Variants in CDK14 observed in about 807,000 individuals in gnomAD.
CDK14 encodes cyclin dependent kinase 14, also known as cyclin-dependent kinase 14.
In CDK14, 34 loss-of-function variants were observed where a neutral mutation model predicts 60.7. That is an observed-to-expected ratio of 0.56 (90% CI 0.43 to 0.75). The LOEUF is 0.75. Among genes scored for constraint, CDK14 ranks in the 30% least tolerant of loss-of-function variants. The pLI is 0.00. For missense variants in CDK14, 482 were observed against 564.1 expected, an observed-to-expected ratio of 0.85 and a Z score of 1.47; for synonymous variants, 197 against 203.7, an observed-to-expected ratio of 0.97 and a Z score of 0.28.
intron 14 of CDK14, among the ~76,000 whole-genome samples, chr7:91,175,532 A>G (rs2115835098): frequency 6.6e-6 from 1 of 152,316 alleles, no homozygotes; most frequent in South Asian, 2.1e-4. Flanking sequence ...TAAAGAGTCA[A>G]GACCCATCAG....
intron 14 of CDK14, among the ~76,000 whole-genome samples, chr7:91,136,616 G>A (rs1800287638): frequency 6.6e-6 from 1 of 152,096 alleles, no homozygotes; most frequent in African/African-American, 2.4e-5. Context: ...AATGGATCCT[G>A]TAGGATATAC....
At chr7:90,750,551 A>G (rs76715953) in intron 4 of CDK14, among the ~76,000 whole-genome samples, 10,295 of 152,304 alleles carry the variant, frequency 0.068, 462 homozygotes, top group East Asian at 0.19. Flanking sequence ...CAGCGTTTCT[A>G]GAATTGAAAA....
At chr7:91,182,392 G>C (rs766637755) in intron 14 of CDK14, among the ~76,000 whole-genome samples, 5 of 151,442 alleles carry the variant, frequency 3.3e-5, no homozygotes, top group Admixed American at 6.6e-5. Flanking sequence ...TTTTAGGATT[G>C]CCTTTTACAT....
chr7:91,097,488 A>G (rs891588097), intron 12 of CDK14, among the ~76,000 whole-genome samples: 18 of 152,130 alleles, frequency 1.2e-4, no homozygotes, highest in African/African-American at 4.3e-4. Context: ...TATCTAATTG[A>G]TACAAAAAAT....
intron 12 of CDK14, among the ~76,000 whole-genome samples, chr7:91,087,644 C>G (rs780089001): frequency 3.3e-5 from 5 of 152,174 alleles, no homozygotes; most frequent in African/African-American, 7.2e-5. Flanking sequence ...CCTCCCTTCT[C>G]TTTTTCAGTG....
chr7:90,905,642 C>G (rs1260943149), intron 7 of CDK14, among the ~76,000 whole-genome samples: 1 of 152,076 alleles, frequency 6.6e-6, no homozygotes, highest in Non-Finnish European at 1.5e-5. Flanking sequence ...AAGTAAGCAT[C>G]AGGTTCACTG....
intron 2 of CDK14, among the ~76,000 whole-genome samples, chr7:90,651,926 T>C: frequency 6.6e-6 from 1 of 152,222 alleles, no homozygotes; most frequent in Middle Eastern, 3.4e-3. Flanking sequence ...TATTTTCCAA[T>C]ACAAAGGAGC....
chr7:91,077,435 T>C (rs1428832717), intron 11 of CDK14, among the ~76,000 whole-genome samples: 1 of 151,570 alleles, frequency 6.6e-6, no homozygotes, highest in African/African-American at 2.4e-5. Context: ...AGTGGGAATT[T>C]AACAATGTGA....
At chr7:90,718,549 A>G (rs139182101) in intron 2 of CDK14, among the ~76,000 whole-genome samples, 20 of 152,228 alleles carry the variant, frequency 1.3e-4, no homozygotes, top group Middle Eastern at 3.4e-3. Flanking sequence ...TCTGACTTCT[A>G]TGGGCAGTAT....
At chr7:91,013,672 T>C (rs1028153362) in intron 10 of CDK14, among the ~76,000 whole-genome samples, 103 of 150,686 alleles carry the variant, frequency 6.8e-4, no homozygotes, top group Admixed American at 1.5e-3. Context: ...TTTTTTTTTT[T>C]TTTCTTTTTT....
At chr7:91,105,219 A>G (rs1349061624) in intron 12 of CDK14, among the ~76,000 whole-genome samples, 1 of 152,266 alleles carries the variant, frequency 6.6e-6, no homozygotes, top group African/African-American at 2.4e-5. Flanking sequence ...TCTCTAAAAT[A>G]GAAACATGAA....
chr7:90,803,507 C>T (rs1420819608), intron 5 of CDK14, among the ~76,000 whole-genome samples: 1 of 152,064 alleles, frequency 6.6e-6, no homozygotes, highest in East Asian at 1.9e-4. Flanking sequence ...TGGGGTTAGT[C>T]AGGGTGACTT....
chr7:90,634,595 G>T (rs1455810904), intron 2 of CDK14, among the ~76,000 whole-genome samples: 1 of 152,086 alleles, frequency 6.6e-6, no homozygotes, highest in South Asian at 2.1e-4. Flanking sequence ...GTAAACATAC[G>T]TGTGCATGTG....
At chr7:90,685,347 C>T (rs1266144850) in intron 2 of CDK14, among the ~76,000 whole-genome samples, 1 of 152,190 alleles carries the variant, frequency 6.6e-6, no homozygotes, top group South Asian at 2.1e-4. Flanking sequence ...GTACCACCCT[C>T]TTTTATTTAC....
chr7:90,877,212 A>C (rs1562808950), intron 6 of CDK14, among the ~76,000 whole-genome samples: 1 of 152,248 alleles, frequency 6.6e-6, no homozygotes, highest in South Asian at 2.1e-4. Context: ...TTAATTATTC[A>C]GAATATATAC....
intron 5 of CDK14, among the ~76,000 whole-genome samples, chr7:90,858,789 G>A (rs959108740): frequency 1.3e-5 from 2 of 152,132 alleles, no homozygotes; most frequent in Admixed American, 6.5e-5. Context: ...GAGCCTATGC[G>A]ATCCCCAGAT....
intron 5 of CDK14, among the ~76,000 whole-genome samples, chr7:90,837,811 G>C (rs1369999483): frequency 1.3e-5 from 2 of 152,164 alleles, no homozygotes; most frequent in Non-Finnish European, 2.9e-5. Flanking sequence ...TGGTGTGAGG[G>C]TATGCCTGGG....
intron 8 of CDK14, among the ~76,000 whole-genome samples, chr7:90,946,614 A>T (rs901728106): frequency 6.6e-6 from 1 of 152,216 alleles, no homozygotes; most frequent in Non-Finnish European, 1.5e-5. Flanking sequence ...AAGAAACATA[A>T]AAACCTCTTA....
chr7:91,197,010 G>A (rs1455678054), intron 14 of CDK14, among the ~76,000 whole-genome samples: 1 of 152,138 alleles, frequency 6.6e-6, no homozygotes, highest in Non-Finnish European at 1.5e-5. Flanking sequence ...AATAAACTTG[G>A]AAGTCACTAC....
Sources: allele counts gnomAD v4.1 joint callset (sites outside exome capture counted in the v4.1 genomes callset), GRCh38; gene constraint gnomAD v4.1.1; transcripts MANE v1.5; gene names NCBI Gene and HGNC (gene_info 2026-07-23, HGNC 2026-07-21).